Variants in SIRPD observed in about 807,000 individuals in gnomAD.
The protein encoded by SIRPD is signal regulatory protein delta.
In SIRPD, 21 loss-of-function variants were observed where a neutral mutation model predicts 18.0. The observed-to-expected ratio is 1.17, with a 90% confidence interval of 0.83 to 1.68. SIRPD has a LOEUF of 1.68. Ranked by LOEUF, SIRPD falls within the 40% of genes most tolerant of loss-of-function variation. The pLI is 0.00. For missense variants in SIRPD, 295 were observed against 238.4 expected, an observed-to-expected ratio of 1.24 and a Z score of -1.56; for synonymous variants, 106 against 92.9, an observed-to-expected ratio of 1.14 and a Z score of -0.81.
intron 2 of SIRPD, among the ~76,000 whole-genome samples, chr20:1,542,000 A>G (rs933724934): frequency 2.0e-5 from 3 of 152,024 alleles, no homozygotes; most frequent in Admixed American, 1.3e-4. Context: ...TGGTCTATAT[A>G]TCTGTTTTCA....
intron 1 of SIRPD, among the ~76,000 whole-genome samples, chr20:1,556,135 A>G (rs2091040365): frequency 6.6e-6 from 1 of 152,176 alleles, no homozygotes; most frequent in Non-Finnish European, 1.5e-5. Context: ...AACCTAACAT[A>G]CTCAAGGGGG....
intron 2 of SIRPD, chr20:1,540,146 T>G: frequency 2.8e-6 from 1 of 351,840 alleles, no homozygotes; most frequent in South Asian, 2.2e-5. Context: ...CAGAGAGATT[T>G]AAAGACACTG....
Position 1,557,657 on chromosome 20 carries a change from G to A in SIRPD, c.-4C>T, listed in dbSNP as rs1291506850. ...GTGGGGAGGCAGGGATGGGCATTGTGGTGAAACCTGGAGCTTGCTCTGCCT... is the reference window on the plus strand; with the variant it reads ...GTGGGGAGGCAGGGATGGGCATTGTAGTGAAACCTGGAGCTTGCTCTGCCT... On this transcript the variant is annotated 5_prime_UTR_variant, in exon 1 of 4. Transcript: ENST00000381623. 1.1e-5 allele frequency: 18 copies of A among 1,611,104 alleles called. No individual in the cohort carries two copies. The Admixed American group carries it at 2.5e-4, about 23-fold the overall frequency.
At chr20:1,555,765 T>C (rs191685765) in intron 1 of SIRPD, among the ~76,000 whole-genome samples, 1 of 152,350 alleles carries the variant, frequency 6.6e-6, no homozygotes, top group East Asian at 1.9e-4. Context: ...AATAACAAAT[T>C]ACGACAAACT....
intron 2 of SIRPD, among the ~76,000 whole-genome samples, chr20:1,541,357 G>A (rs989051301): frequency 9.2e-5 from 14 of 152,194 alleles, no homozygotes; most frequent in African/African-American, 3.1e-4. Context: ...GTATCTCACT[G>A]TGGCTTTGAT....
intron 2 of SIRPD, among the ~76,000 whole-genome samples, chr20:1,543,239 C>A (rs571987324): frequency 6.6e-6 from 1 of 152,106 alleles, no homozygotes; most frequent in Non-Finnish European, 1.5e-5. Context: ...TGGTAGAATT[C>A]GGCTGTGAAT....
intron 2 of SIRPD, among the ~76,000 whole-genome samples, chr20:1,547,224 T>C (rs891229753): frequency 6.6e-6 from 1 of 152,224 alleles, no homozygotes; most frequent in Non-Finnish European, 1.5e-5. Flanking sequence ...GTTTTCTGTG[T>C]GTGGCTATCC....
At chr20:1,537,447 G>A (rs1276294184) in intron 2 of SIRPD, 137 bp from the exon 3 acceptor site, 1 of 1,057,578 alleles carries the variant, frequency 9.5e-7, no homozygotes, top group Non-Finnish European at 1.4e-6. Flanking sequence ...ATAAGTTACT[G>A]ATATAAGGGT....
chr20:1,538,774 A>G (rs1486226183), intron 2 of SIRPD, among the ~76,000 whole-genome samples: 1 of 152,224 alleles, frequency 6.6e-6, no homozygotes, highest in Non-Finnish European at 1.5e-5. Flanking sequence ...ATCATCAGAC[A>G]TGTAAAAGAA....
At chr20:1,544,208 G>A (rs148663825) in intron 2 of SIRPD, among the ~76,000 whole-genome samples, 18 of 152,268 alleles carry the variant, frequency 1.2e-4, no homozygotes, top group African/African-American at 3.9e-4. Flanking sequence ...TTGACAGTGG[G>A]ATATTAAAGT....
At chr20:1,551,576 G>T in intron 2 of SIRPD, 115 bp downstream of exon 2, 1 of 806,596 alleles carries the variant, frequency 1.2e-6, no homozygotes, top group Non-Finnish European at 2.0e-6. Context: ...AAGATCAAAT[G>T]TATGTTGTAC....
chr20:1,551,619 A>G, intron 2 of SIRPD, 72 bp downstream of exon 2: 1 of 1,178,672 alleles, frequency 8.5e-7, no homozygotes, highest in South Asian at 1.5e-5. Flanking sequence ...GCAATTATTG[A>G]ATGAATAGAA....
At chr20:1,557,427 G>A in intron 1 of SIRPD, 154 bp downstream of exon 1, 1 of 552,158 alleles carries the variant, frequency 1.8e-6, no homozygotes, top group South Asian at 5.0e-5. Flanking sequence ...CAGAATTGGG[G>A]ACCATCCCAG....
chr20:1,534,754 C>T (rs1408638651), intron 3 of SIRPD, among the ~76,000 whole-genome samples: 1 of 152,170 alleles, frequency 6.6e-6, no homozygotes, highest in Admixed American at 6.5e-5. Flanking sequence ...GTTCAAAATA[C>T]CCCCTGTCCA....
chr20:1,557,577 T>C lies in SIRPD; in HGVS notation c.73+4A>G. 6.4e-7 allele frequency: 1 copy of C among 1,564,986 alleles called. No homozygotes were observed. Among genetic ancestry groups the C allele is most frequent in the Non-Finnish European group, 8.7e-7 (1 of 1,154,868 alleles). ...CCACACACATACACTGAGGCCCCACTCACCTGCCAGTTCAAGCAGCAGATA... is the reference window on the plus strand; with the variant it reads ...CCACACACATACACTGAGGCCCCACCCACCTGCCAGTTCAAGCAGCAGATA... On this transcript the variant is annotated splice_donor_region_variant and intron_variant, in intron 1 of 3. Transcript: ENST00000381623.
At chr20:1,540,999 T>C (rs2090968700) in intron 2 of SIRPD, among the ~76,000 whole-genome samples, 1 of 152,232 alleles carries the variant, frequency 6.6e-6, no homozygotes, top group Non-Finnish European at 1.5e-5. Context: ...TAGTATTCCA[T>C]GGTGTATATG....
intron 2 of SIRPD, among the ~76,000 whole-genome samples, chr20:1,544,117 C>A (rs887003415): frequency 1.3e-5 from 2 of 152,138 alleles, no homozygotes; most frequent in African/African-American, 4.8e-5. Flanking sequence ...CTGTAGATGT[C>A]TATTAGGTCT....
At chr20:1,548,788 T>C (rs1478780875) in intron 2 of SIRPD, among the ~76,000 whole-genome samples, 1 of 152,170 alleles carries the variant, frequency 6.6e-6, no homozygotes, top group Non-Finnish European at 1.5e-5. Context: ...TTTTTATTTC[T>C]ATAAAGTTGC....
intron 2 of SIRPD, among the ~76,000 whole-genome samples, chr20:1,545,651 T>C (rs1174769358): frequency 2.0e-5 from 3 of 152,228 alleles, no homozygotes; most frequent in Admixed American, 6.5e-5. Context: ...TCCAGTTTTG[T>C]TGCCTTGCTG....
Sources: allele counts gnomAD v4.1 joint callset (sites outside exome capture counted in the v4.1 genomes callset), GRCh38; gene constraint gnomAD v4.1.1; transcripts MANE v1.5; gene names NCBI Gene and HGNC (gene_info 2026-07-23, HGNC 2026-07-21).